PTPRO: variants seen among roughly 807,000 people sequenced by gnomAD.
The protein encoded by PTPRO is protein tyrosine phosphatase receptor type O.
A neutral mutation model predicts 145.2 loss-of-function variants in PTPRO; 62 were observed. The observed-to-expected ratio is 0.43, with a 90% CI of 0.35 to 0.53. The LOEUF is 0.53. Among genes scored for constraint, PTPRO ranks in the 20% least tolerant of loss-of-function variants. The probability of loss-of-function intolerance (pLI) is 0.01; values close to 1 mark genes in which losing one functional copy is unlikely to be tolerated. For synonymous variants in PTPRO, 565 were observed against 514.7 expected (o/e 1.10, Z -1.32); for missense variants, 1,345 against 1,482.7 (o/e 0.91, Z 1.53).
chr12:15,372,224 T>G (rs1489544735), intron 1 of PTPRO, among the ~76,000 whole-genome samples: 1 of 152,206 alleles, frequency 6.6e-6, no homozygotes, highest in Non-Finnish European at 1.5e-5. Context: ...GAAAATATTT[T>G]CTGCCCTCTT....
Position 15,504,063 on chromosome 12 carries a change from T to C in PTPRO, c.1261T>C (p.Tyr421His), listed in dbSNP as rs1942272447. 1 of 1,610,918 alleles carries C rather than the reference T, an allele frequency of 6.2e-7. No homozygotes were observed. Among genetic ancestry groups the C allele is most frequent in the South Asian group, 1.1e-5 (1 of 91,012 alleles). Residue 421 changes from tyrosine (Y) to histidine (H), a missense_variant, in exon 6 of 27, where the codon TAT becomes CAT. Coordinates refer to ENST00000281171, the MANE Select transcript of PTPRO (RefSeq NM_030667.3). ...TCAGTCAGCAAAATCACTCAGCTTT[T>C]ATATCAGTAAGTAACAAAGAGATCA... ...KSQSAKSLSF[Y>H]ISPSGEWIEE...
Position 15,515,600 on chromosome 12 carries a change from C to T in PTPRO, c.1567C>T (p.Pro523Ser). 9 of 1,614,008 alleles carry T rather than the reference C, an allele frequency of 5.6e-6. No homozygotes were observed. Among genetic ancestry groups the T allele is most frequent in the Non-Finnish European group, 7.6e-6 (9 of 1,179,968 alleles). ...CCCTTTGATTGGACCACCTTCAGAT[C>T]CTGTGACATTTGCTATTGGTAAGTT... Reference protein sequence around the residue: ...KGPLIGPPSDPVTFAIVPTGI... With the variant: ...KGPLIGPPSDSVTFAIVPTGI... The change falls in exon 8 of 27, where the codon CCT becomes TCT. Residue 523 changes from proline to serine, a missense_variant. Around this residue, in one of 3 missense-constraint regions of PTPRO, gnomAD observed 1,130 missense variants for 1,214.7 expected, o/e 0.93. Coordinates refer to ENST00000281171, the MANE Select transcript of PTPRO (RefSeq NM_030667.3).
intron 1 of PTPRO, among the ~76,000 whole-genome samples, chr12:15,470,585 G>C (rs939697617): frequency 2.6e-5 from 4 of 152,158 alleles, no homozygotes; most frequent in African/African-American, 9.7e-5. Context: ...ATTAGGAGCT[G>C]TGCAGAGCTT....
At chr12:15,461,450 T>C (rs1337003487) in intron 1 of PTPRO, among the ~76,000 whole-genome samples, 1 of 152,160 alleles carries the variant, frequency 6.6e-6, no homozygotes, top group Non-Finnish European at 1.5e-5. Flanking sequence ...TGGTCACTCA[T>C]TTGGCTCAGA....
intron 1 of PTPRO, among the ~76,000 whole-genome samples, chr12:15,459,918 G>A (rs1483852174): frequency 6.6e-6 from 1 of 152,144 alleles, no homozygotes; most frequent in African/African-American, 2.4e-5. Flanking sequence ...CCTCTACCCA[G>A]GGTGTCAAGG....
At chr12:15,378,389 A>G (rs1297628370) in intron 1 of PTPRO, among the ~76,000 whole-genome samples, 2 of 152,072 alleles carry the variant, frequency 1.3e-5, no homozygotes, top group African/African-American at 4.8e-5. Context: ...ACACTATTAT[A>G]TTCTTATAAG....
rs558078732 is a variant in PTPRO at position 15,412,032 on chromosome 12, A to G, written c.76-71942A>G. Among the ~76,000 whole-genome samples the G allele has an allele frequency of 4.6e-5, 7 of 152,324 alleles. 1 individual carries two copies. The highest frequency in any genetic ancestry group is 1.4e-4 in the African/African-American group (6 of 41,586). Reference sequence around the variant, plus strand: ...TACCACCCTGTTCATTGTTTTACTCAGCAGACACCCTCACGCAGCTCTCTT... The same window carrying G: ...TACCACCCTGTTCATTGTTTTACTCGGCAGACACCCTCACGCAGCTCTCTT... On this transcript the variant is annotated intron_variant, in intron 1 of 26. Transcript: ENST00000281171.
chr12:15,546,115 T>C (rs1943282180), intron 12 of PTPRO, among the ~76,000 whole-genome samples: 1 of 152,180 alleles, frequency 6.6e-6, no homozygotes, highest in Non-Finnish European at 1.5e-5. Flanking sequence ...TTCCAGATAG[T>C]TTCCAGAGAA....
At chr12:15,467,945 T>C (rs1941454391) in intron 1 of PTPRO, among the ~76,000 whole-genome samples, 1 of 152,212 alleles carries the variant, frequency 6.6e-6, no homozygotes, top group South Asian at 2.1e-4. Flanking sequence ...ATATTTCCAG[T>C]CTTGAATGTC....
intron 2 of PTPRO, among the ~76,000 whole-genome samples, chr12:15,496,142 G>GTTTTTTTTTTTTTTTTT (rs71042255): frequency 1.1e-4 from 8 of 75,366 alleles, no homozygotes; most frequent in Admixed American, 3.8e-4. Flanking sequence ...TTCTTTTTTT[G>GTTTTTTTTTTTTTTTTT]TTTTTTTTTT....
chr12:15,425,165 C>T (rs529363596), intron 1 of PTPRO, among the ~76,000 whole-genome samples: 41 of 152,224 alleles, frequency 2.7e-4, no homozygotes, highest in African/African-American at 9.6e-4. Flanking sequence ...CATACTCCCA[C>T]GGTACTTTGC....
chr12:15,571,358 G>A (rs1394407094), intron 19 of PTPRO, among the ~76,000 whole-genome samples: 1 of 152,150 alleles, frequency 6.6e-6, no homozygotes, highest in Non-Finnish European at 1.5e-5. Context: ...CGCGATCTTG[G>A]CTCACTGCAA....
intron 1 of PTPRO, among the ~76,000 whole-genome samples, chr12:15,323,278 C>T (rs1003201154): frequency 6.6e-6 from 1 of 152,106 alleles, no homozygotes; most frequent in Non-Finnish European, 1.5e-5. Context: ...GCCAGGGCTA[C>T]GTTAGGGCAG....
intron 1 of PTPRO, among the ~76,000 whole-genome samples, chr12:15,427,281 T>G (rs1399766717): frequency 6.6e-6 from 1 of 152,062 alleles, no homozygotes; most frequent in African/African-American, 2.4e-5. Context: ...TTGTCTTTTA[T>G]GCCTCATGTT....
At chr12:15,337,306 A>C (rs1440850908) in intron 1 of PTPRO, 25 of 152,178 alleles carry the variant, frequency 1.6e-4, no homozygotes, top group Non-Finnish European at 8.8e-5. Context: ...ATAACCAAGC[A>C]GGCATAATAG....
chr12:15,347,587 G>A (rs1005228447), intron 1 of PTPRO, among the ~76,000 whole-genome samples: 1 of 152,048 alleles, frequency 6.6e-6, no homozygotes, highest in African/African-American at 2.4e-5. Context: ...TACCTACCAC[G>A]TTTCACAAAC....
intron 1 of PTPRO, among the ~76,000 whole-genome samples, chr12:15,379,646 A>T (rs1411153647): frequency 6.6e-6 from 1 of 152,176 alleles, no homozygotes; most frequent in Non-Finnish European, 1.5e-5. Context: ...ACATGTATCA[A>T]CCTTGAAAAT....
chr12:15,506,428 T>C (rs1210004037), intron 6 of PTPRO, among the ~76,000 whole-genome samples: 2 of 152,214 alleles, frequency 1.3e-5, no homozygotes. Context: ...TGTTAGTCCA[T>C]ATTTACACTA....
At chr12:15,543,901 T>C (rs2135544202) in intron 12 of PTPRO, among the ~76,000 whole-genome samples, 1 of 152,274 alleles carries the variant, frequency 6.6e-6, no homozygotes, top group Non-Finnish European at 1.5e-5. Context: ...TGAAGTTCAG[T>C]GAGAAGACTG....
Sources: gnomAD v4.1 joint callset for allele counts (sites outside exome capture counted in the v4.1 genomes callset) on GRCh38, gnomAD v4.1.1 for gene constraint, gnomAD v4.1.1 regional missense constraint, MANE v1.5 for transcripts, NCBI Gene and HGNC (gene_info 2026-07-23, HGNC 2026-07-21) for gene names.